Variants in CFAP54 observed in about 807,000 individuals in gnomAD.
CFAP54 encodes cilia- and flagella-associated protein 54.
Under a neutral mutation model 370.4 loss-of-function variants are expected in CFAP54, and 290 were observed. That is an observed-to-expected ratio of 0.78 (90% CI 0.71 to 0.86). The LOEUF (loss-of-function observed/expected upper bound fraction) is 0.86. CFAP54 is among the 40% of genes least tolerant of loss of function. CFAP54 has a pLI of 0.00. For missense variants in CFAP54, 3,399 were observed against 3,528.7 expected, an observed-to-expected ratio of 0.96 and a Z score of 0.93; for synonymous variants, 1,206 against 1,236.5, an observed-to-expected ratio of 0.98 and a Z score of 0.52.
chr12:96,579,190 AT>A (rs945420965), intron 20 of CFAP54, among the ~76,000 whole-genome samples: 6 of 148,380 alleles, frequency 4.0e-5, no homozygotes, highest in South Asian at 2.1e-4. Context: ...GATTCATCTG[AT>A]TTTTTTTTTC....
At chr12:96,596,648 C>T (rs1319602410) in intron 25 of CFAP54, among the ~76,000 whole-genome samples, 2 of 151,700 alleles carry the variant, frequency 1.3e-5, no homozygotes, top group East Asian at 1.9e-4. Context: ...GTGTGCAGTC[C>T]GGGGTTTGGG....
chr12:96,774,670 G>A (rs1197976182), intron 60 of CFAP54, among the ~76,000 whole-genome samples: 4 of 152,026 alleles, frequency 2.6e-5, no homozygotes, highest in South Asian at 2.1e-4. Flanking sequence ...TTGGGATTAC[G>A]TTATATTTAG....
chr12:96,540,588 G>C (rs1044771862), intron 13 of CFAP54, among the ~76,000 whole-genome samples: 2 of 152,190 alleles, frequency 1.3e-5, no homozygotes, highest in East Asian at 3.8e-4. Flanking sequence ...TAGATGTGCA[G>C]ACTCTAGACT....
chr12:96,748,981 C>T (rs1958152569), intron 55 of CFAP54, among the ~76,000 whole-genome samples: 1 of 152,230 alleles, frequency 6.6e-6, no homozygotes, highest in Non-Finnish European at 1.5e-5. Context: ...CGAGAGCCAT[C>T]TGGCCTATGT....
At chr12:96,648,790 A>T (rs776191732) in intron 34 of CFAP54, among the ~76,000 whole-genome samples, 3 of 151,834 alleles carry the variant, frequency 2.0e-5, no homozygotes, top group Non-Finnish European at 2.9e-5. Context: ...GGGTTTCACT[A>T]TGTTGGCCAG....
At chr12:96,829,165 T>C in intron 66 of CFAP54, 77 bp downstream of exon 66, 2 of 822,518 alleles carry the variant, frequency 2.4e-6, no homozygotes, top group Non-Finnish European at 3.7e-6. Flanking sequence ...ATAGAAAACA[T>C]CTAATTGTAA....
chr12:96,825,625 T>C (rs1287460842), intron 65 of CFAP54, among the ~76,000 whole-genome samples: 4 of 121,580 alleles, frequency 3.3e-5, no homozygotes, highest in African/African-American at 1.3e-4. Flanking sequence ...ATATAATATA[T>C]AATATATATC....
intron 66 of CFAP54, among the ~76,000 whole-genome samples, chr12:96,838,279 A>G (rs955375469): frequency 2.0e-5 from 3 of 152,034 alleles, no homozygotes; most frequent in African/African-American, 7.2e-5. Flanking sequence ...CTTGATGCAA[A>G]GACAAAGTAA....
chr12:96,512,509 A>T (rs1447736080), intron 4 of CFAP54, among the ~76,000 whole-genome samples: 1 of 151,452 alleles, frequency 6.6e-6, no homozygotes, highest in African/African-American at 2.4e-5. Flanking sequence ...CGCCCGGCTA[A>T]TTTTTGTATT....
chr12:96,706,054 G>A (rs1224425139), intron 47 of CFAP54, among the ~76,000 whole-genome samples: 4 of 151,860 alleles, frequency 2.6e-5, no homozygotes, highest in Admixed American at 6.6e-5. Flanking sequence ...AGAGCCTATT[G>A]TGTGCAAGGC....
chr12:96,609,867 T>C (rs904541488), intron 26 of CFAP54, among the ~76,000 whole-genome samples: 3 of 152,226 alleles, frequency 2.0e-5, no homozygotes, highest in Non-Finnish European at 4.4e-5. Context: ...CATGGGATCT[T>C]ACTGAGGGAC....
intron 34 of CFAP54, among the ~76,000 whole-genome samples, chr12:96,648,940 C>G (rs958248839): frequency 2.0e-5 from 3 of 152,104 alleles, no homozygotes; most frequent in Admixed American, 2.0e-4. Flanking sequence ...TCTGACGAAC[C>G]TGACTAATTT....
chr12:96,826,641 A>C (rs1218284099), intron 65 of CFAP54, among the ~76,000 whole-genome samples: 1 of 109,240 alleles, frequency 9.2e-6, no homozygotes, highest in Admixed American at 1.2e-4. Flanking sequence ...TATTAAATAT[A>C]GTATATATTA....
At chr12:96,604,386 G>A (rs182174337) in intron 26 of CFAP54, among the ~76,000 whole-genome samples, 147 of 152,336 alleles carry the variant, frequency 9.6e-4, no homozygotes, top group East Asian at 4.1e-3. Flanking sequence ...GGCAGGAGGT[G>A]TCTCCCAGTC....
At chr12:96,537,187 A>G (rs377185098) in intron 12 of CFAP54, among the ~76,000 whole-genome samples, 3 of 152,176 alleles carry the variant, frequency 2.0e-5, no homozygotes, top group South Asian at 4.1e-4. Context: ...TGCAAAGGCA[A>G]GTAACTTGGA....
intron 8 of CFAP54, among the ~76,000 whole-genome samples, chr12:96,523,985 A>G (rs1295861081): frequency 1.3e-5 from 2 of 151,972 alleles, no homozygotes; most frequent in Non-Finnish European, 2.9e-5. Flanking sequence ...TAGTCAACAC[A>G]TCCTTTTTAT....
chr12:96,823,588 G>T (rs1282487469), intron 65 of CFAP54, among the ~76,000 whole-genome samples: 1 of 152,194 alleles, frequency 6.6e-6, no homozygotes, highest in Non-Finnish European at 1.5e-5. Flanking sequence ...GGAATTATGT[G>T]CTTCCTCTGC....
chr12:96,735,415 G>A (rs936963819), intron 50 of CFAP54, among the ~76,000 whole-genome samples: 3 of 152,102 alleles, frequency 2.0e-5, no homozygotes, highest in Non-Finnish European at 4.4e-5. Flanking sequence ...CAAAAACCTC[G>A]GCAGATACCC....
At chr12:96,646,493 G>A (rs1246847794) in intron 33 of CFAP54, 2 of 152,214 alleles carry the variant, frequency 1.3e-5, no homozygotes, top group African/African-American at 4.8e-5. Flanking sequence ...CTTTTACACG[G>A]TTGGTGGGAC....
Sources: allele counts gnomAD v4.1 joint callset (sites outside exome capture counted in the v4.1 genomes callset), GRCh38; gene constraint gnomAD v4.1.1; transcripts MANE v1.5; gene names NCBI Gene and HGNC (gene_info 2026-07-23, HGNC 2026-07-21).